MET: variants seen among roughly 807,000 people sequenced by gnomAD.
MET encodes MET proto-oncogene, receptor tyrosine kinase.
MET carries 48 observed loss-of-function variants against 133.1 expected under a neutral mutation model. The observed-to-expected ratio is 0.36, with a 90% CI of 0.29 to 0.46. The LOEUF is 0.46. Ranked by LOEUF, MET falls within the 20% of genes least tolerant of loss-of-function variation. The pLI is 1.00. For missense variants in MET, 1,442 were observed against 1,695.9 expected (o/e 0.85, Z 2.63); for synonymous variants, 628 against 616.5 (o/e 1.02, Z -0.28).
At position 116,777,390 on chromosome 7, in the gene MET, G is replaced by A. The variant is rs1422966258; in HGVS notation, c.3261G>A (p.Gly1087=). 4 of 1,613,396 alleles carry A rather than the reference G, an allele frequency of 2.5e-6. No homozygotes were observed. The African/African-American group carries it at 4.0e-5, about 16-fold the overall frequency. The change falls in exon 16 of 21, where the codon GGG becomes GGA. Residue 1087 remains glycine, a splice_region_variant and synonymous_variant. Transcript: ENST00000397752. ...IVHFNEVIGR[G]HFGCVYHGTL... ...AACCAAGTTCTTTCTTTTGCACAGGGCATTTTGGTTGTGTATATCATGGGA... is the reference window on the plus strand; with the variant it reads ...AACCAAGTTCTTTCTTTTGCACAGGACATTTTGGTTGTGTATATCATGGGA...
intron 11 of MET, among the ~76,000 whole-genome samples, chr7:116,768,026 GTA>G (rs368233103): frequency 2.1e-3 from 308 of 143,898 alleles, no homozygotes; most frequent in South Asian, 3.5e-3. Context: ...GTGTGTGTGT[GTA>G]TATATATATA....
chr7:116,767,573 AT>A (rs1463710285), intron 11 of MET, among the ~76,000 whole-genome samples: 1 of 152,130 alleles, frequency 6.6e-6, no homozygotes, highest in Non-Finnish European at 1.5e-5. Flanking sequence ...CAGGGGGAGT[AT>A]CTTTGCAGGA....
chr7:116,719,658 A>G (rs1235714248), intron 2 of MET, among the ~76,000 whole-genome samples: 2 of 152,178 alleles, frequency 1.3e-5, no homozygotes, highest in Non-Finnish European at 2.9e-5. Flanking sequence ...TCTTGAATAA[A>G]TTTTTGTATA....
intron 3 of MET, among the ~76,000 whole-genome samples, chr7:116,738,966 A>G (rs779579721): frequency 2.0e-5 from 3 of 152,204 alleles, no homozygotes; most frequent in East Asian, 3.8e-4. Flanking sequence ...TGCATGTTCA[A>G]TGCAATGTAA....
At chr7:116,788,676 T>C (rs1483145083) in intron 19 of MET, among the ~76,000 whole-genome samples, 1 of 152,206 alleles carries the variant, frequency 6.6e-6, no homozygotes. Flanking sequence ...CTTTGGGAAA[T>C]GGTTACTGAT....
At chr7:116,715,211 C>G (rs557380914) in intron 2 of MET, among the ~76,000 whole-genome samples, 1 of 152,320 alleles carries the variant, frequency 6.6e-6, no homozygotes, top group Non-Finnish European at 1.5e-5. Context: ...TTACCACAAA[C>G]TGGGTGGCTG....
chr7:116,746,644 G>GCTGGAAAC (rs1441339856), intron 5 of MET, among the ~76,000 whole-genome samples: 12 of 152,234 alleles, frequency 7.9e-5, no homozygotes, highest in African/African-American at 2.9e-4. Flanking sequence ...CATGGATGAA[G>GCTGGAAAC]CTGGAAACCA....
At chr7:116,706,208 T>C (rs1202422467) in intron 2 of MET, among the ~76,000 whole-genome samples, 1 of 152,146 alleles carries the variant, frequency 6.6e-6, no homozygotes, top group African/African-American at 2.4e-5. Context: ...GAATGAAGCG[T>C]TAACTATGCC....
intron 11 of MET, among the ~76,000 whole-genome samples, chr7:116,764,296 C>T (rs768514788): frequency 1.5e-4 from 23 of 151,974 alleles, no homozygotes; most frequent in Non-Finnish European, 3.1e-4. Context: ...AATGGAAGCC[C>T]GCTTCAATGA....
At chr7:116,719,110 C>T (rs1792369849) in intron 2 of MET, among the ~76,000 whole-genome samples, 2 of 105,178 alleles carry the variant, frequency 1.9e-5, no homozygotes, top group Admixed American at 1.1e-4. Context: ...GTCCCACCAA[C>T]AGTGTAAAAG....
chr7:116,769,134 T>C (rs555913265), intron 11 of MET, among the ~76,000 whole-genome samples: 1 of 152,288 alleles, frequency 6.6e-6, no homozygotes, highest in South Asian at 2.1e-4. Context: ...CATAACATAA[T>C]ACAGTGTTAA....
intron 2 of MET, among the ~76,000 whole-genome samples, chr7:116,713,327 G>A (rs1161163868): frequency 1.1e-4 from 17 of 151,560 alleles, no homozygotes; most frequent in African/African-American, 3.1e-4. Context: ...CCCGGGAGGC[G>A]GAGCTTGCAG....
intron 2 of MET, among the ~76,000 whole-genome samples, chr7:116,716,490 A>AAAGG: frequency 6.9e-6 from 1 of 145,328 alleles, no homozygotes; most frequent in Admixed American, 6.8e-5. Context: ...AGAAAGAAAG[A>AAAGG]AAGAAAGAAA....
At chr7:116,704,943 C>G (rs747606954) in intron 2 of MET, among the ~76,000 whole-genome samples, 1 of 152,018 alleles carries the variant, frequency 6.6e-6, no homozygotes, top group Non-Finnish European at 1.5e-5. Context: ...CAAAGAGTAG[C>G]CAACTGCTTC....
chr7:116,730,157 A>G (rs1229571629), intron 2 of MET, among the ~76,000 whole-genome samples: 1 of 152,224 alleles, frequency 6.6e-6, no homozygotes, highest in Non-Finnish European at 1.5e-5. Flanking sequence ...GTGATAAGCT[A>G]AGATCTGAAG....
chr7:116,723,975 G>C (rs1444748563), intron 2 of MET, among the ~76,000 whole-genome samples: 1 of 152,248 alleles, frequency 6.6e-6, no homozygotes, highest in Non-Finnish European at 1.5e-5. Context: ...AGCCTACAGA[G>C]GCAGGCAGGC....
In MET at chr7:116,797,760, C is replaced by T. The variant is rs186175651; in HGVS notation, c.*1636C>T. ...CATGATTTTCAATGACTGTAAATTG[C>T]GATAAGGAAATGTACTGATTGCCAA... On this transcript the variant is annotated 3_prime_UTR_variant, in exon 21 of 21. Coordinates refer to ENST00000397752, the MANE Select transcript of MET (RefSeq NM_000245.4). The T allele has an allele frequency of 4.8e-4, 108 of 226,372 alleles. No individual in the cohort carries two copies. The highest frequency in any genetic ancestry group is 1.3e-3 in the African/African-American group (59 of 44,970). The allele number at this position is 226,372 out of a possible 1,614,324, so 14.0% of individuals were successfully genotyped here.
chr7:116,743,315 G>A (rs1258497687), intron 5 of MET, among the ~76,000 whole-genome samples: 2 of 152,230 alleles, frequency 1.3e-5, no homozygotes, highest in Non-Finnish European at 2.9e-5. Flanking sequence ...GGCCATTTGG[G>A]CAGACACCGA....
chr7:116,765,311 A>C, intron 11 of MET, among the ~76,000 whole-genome samples: 1 of 145,946 alleles, frequency 6.9e-6, no homozygotes, highest in Non-Finnish European at 1.5e-5. Context: ...AAAAAAAACC[A>C]CGTACTTCAT....
Sources: gnomAD v4.1 joint callset for allele counts (sites outside exome capture counted in the v4.1 genomes callset) on GRCh38, gnomAD v4.1.1 for gene constraint, MANE v1.5 for transcripts, NCBI Gene and HGNC (gene_info 2026-07-23, HGNC 2026-07-21) for gene names.